Variants in FAM53A observed in about 807,000 individuals in gnomAD.
FAM53A encodes family with sequence similarity 53 member A, also known as protein FAM53A.
In FAM53A, 28 loss-of-function variants were observed where a neutral mutation model predicts 26.6. The observed-to-expected ratio is 1.05, with a 90% CI of 0.78 to 1.45. The LOEUF (loss-of-function observed/expected upper bound fraction) is 1.45, where lower values mean the gene tolerates loss of function less well. Ranked by LOEUF, FAM53A falls within the 40% of genes most tolerant of loss-of-function variation. The pLI is 0.00. For missense variants in FAM53A, 650 were observed against 575.8 expected (o/e 1.13, Z -1.32); for synonymous variants, 290 against 253.1 (o/e 1.15, Z -1.38).
chr4:1,610,520 A>G, the FAM53A span, among the ~76,000 whole-genome samples: 2 of 152,150 alleles, frequency 1.3e-5, no homozygotes, highest in African/African-American at 2.4e-5. Context: ...GAGCAGCAAG[A>G]GGTGCCCAAC....
the FAM53A span, among the ~76,000 whole-genome samples, chr4:1,590,980 A>G: frequency 5.4e-5 from 7 of 130,128 alleles, 1 homozygote; most frequent in Non-Finnish European, 8.2e-5. Context: ...ATATATATAT[A>G]TATATATATA....
chr4:1,586,519 T>G, the FAM53A span, among the ~76,000 whole-genome samples: 2 of 152,044 alleles, frequency 1.3e-5, no homozygotes, highest in Admixed American at 6.5e-5. Context: ...CTCACACCTG[T>G]AATCCCAGCA....
intron 1 of FAM53A, among the ~76,000 whole-genome samples, chr4:1,620,250 A>T (rs1714971293): frequency 6.6e-6 from 1 of 151,998 alleles, no homozygotes; most frequent in Non-Finnish European, 1.5e-5. Context: ...TAAATAAATA[A>T]ATAAAATGTC....
chr4:1,622,522 G>T (rs1054508772), intron 1 of FAM53A, among the ~76,000 whole-genome samples: 2 of 152,202 alleles, frequency 1.3e-5, no homozygotes, highest in Admixed American at 6.5e-5. Flanking sequence ...CACCAGCCCT[G>T]CCCTGTGACT....
Position 1,644,381 on chromosome 4 carries a change from C to T in FAM53A, c.883-2774G>A, listed in dbSNP as rs28529337. ...ACAGCAGGCTCTGAACGCCTCTGGA[C>T]GACACAGTCGGTGCAGGAGAAAAAA... On this transcript the variant is annotated intron_variant, in intron 4 of 4. Coordinates refer to ENST00000308132, the MANE Select transcript of FAM53A (RefSeq NM_001174070.3). 2.8e-3 allele frequency: 4,266 copies of T among 1,531,334 alleles called. 101 individuals are homozygous for T. The African/African-American group carries it at 0.053, about 19-fold the overall frequency. The allele number at this position is 1,531,334 out of a possible 1,614,324, so 94.9% of individuals were successfully genotyped here. A position where few individuals can be genotyped will look rare whatever the true frequency, so the allele number is the denominator to read the frequency against.
At chr4:1,603,317 GC>G in the FAM53A span, among the ~76,000 whole-genome samples, 2 of 152,180 alleles carry the variant, frequency 1.3e-5, no homozygotes. Context: ...CCTTCAAGGG[GC>G]CCACAAGAGA....
chr4:1,608,083 GC>G, the FAM53A span, among the ~76,000 whole-genome samples: 1 of 152,168 alleles, frequency 6.6e-6, no homozygotes, highest in East Asian at 1.9e-4. Flanking sequence ...CTGCATTCCA[GC>G]CTTGGTGACA....
downstream of FAM53A, among the ~76,000 whole-genome samples, chr4:1,617,652 T>C (rs1714857122): frequency 6.6e-6 from 1 of 152,248 alleles, no homozygotes; most frequent in Non-Finnish European, 1.5e-5. Flanking sequence ...CTTCTTTCAC[T>C]GTTTCCATTT....
intron 1 of FAM53A, among the ~76,000 whole-genome samples, chr4:1,629,795 G>A (rs114314829): frequency 0.012 from 1,888 of 152,294 alleles, 39 homozygotes; most frequent in African/African-American, 0.043. Context: ...AGTCCCGGAA[G>A]CAGCTCTGAG....
At chr4:1,679,441 T>C (rs1202712111) in intron 1 of FAM53A, among the ~76,000 whole-genome samples, 1 of 141,524 alleles carries the variant, frequency 7.1e-6, no homozygotes, top group Non-Finnish European at 1.5e-5. Context: ...GTAATCCCAC[T>C]TTGGGAGGCC....
downstream of FAM53A, among the ~76,000 whole-genome samples, chr4:1,614,414 GGGAT>G (rs1238968099): frequency 7.1e-6 from 1 of 140,358 alleles, no homozygotes; most frequent in South Asian, 2.3e-4. Context: ...AGACGTGAGG[GGGAT>G]GCAGAGACGT....
At position 1,641,602 on chromosome 4, in the gene FAM53A, T is replaced by TA; in HGVS notation, c.887dup (p.Leu296PhefsTer15). On this transcript the variant is annotated frameshift_variant, in exon 5 of 5. Transcript: ENST00000308132. LOFTEE classifies it low-confidence loss of function (END_TRUNC). ...GGGAGCAAAGGCTTTTTGAATTTTT[T>TA]AAAGTCTGCAATAGAAAAGATACGG... The TA allele has an allele frequency of 6.2e-7, 1 of 1,614,068 alleles. No homozygotes were observed. Among genetic ancestry groups the TA allele is most frequent in the African/African-American group, 1.3e-5 (1 of 75,046 alleles).
intron 2 of FAM53A, among the ~76,000 whole-genome samples, chr4:1,661,890 T>C (rs181900029): frequency 5.3e-5 from 8 of 152,224 alleles, no homozygotes; most frequent in Admixed American, 5.2e-4. Context: ...GGAGCACCTC[T>C]TGGTGGCGCA....
At position 1,661,311 on chromosome 4, in the gene FAM53A, C is replaced by G. The variant is rs187845121; in HGVS notation, c.76-3843G>C. On this transcript the variant is annotated intron_variant, in intron 2 of 4. Coordinates refer to ENST00000308132, the MANE Select transcript of FAM53A (RefSeq NM_001174070.3). ...TCATCACCCACCTTCCAGCTCCACC[C>G]GGAGGTCACAGCCCGGCGCCCTATG... 1.5e-3 allele frequency among the ~76,000 whole-genome samples: 231 copies of G among 152,262 alleles called. 1 individual carries two copies. The highest frequency in any genetic ancestry group is 5.3e-3 in the African/African-American group (222 of 41,544).
intron 4 of FAM53A, among the ~76,000 whole-genome samples, chr4:1,647,337 G>GAA (rs757995804): frequency 4.7e-5 from 6 of 127,356 alleles, no homozygotes; most frequent in Non-Finnish European, 5.1e-5. Flanking sequence ...TCCATCTCGG[G>GAA]AAAAAAAAAA....
intron 4 of FAM53A, among the ~76,000 whole-genome samples, chr4:1,654,726 C>T (rs116133373): frequency 0.024 from 3,704 of 152,350 alleles, 122 homozygotes; most frequent in African/African-American, 0.062. Context: ...CAAGCCTGGC[C>T]GGCCACCCTG....
the FAM53A span, among the ~76,000 whole-genome samples, chr4:1,607,585 C>T: frequency 2.6e-5 from 4 of 152,068 alleles, no homozygotes; most frequent in Admixed American, 6.6e-5. Context: ...GCCGCCCCCC[C>T]ACCACTGATG....
rs1339674368 is a variant in FAM53A at position 1,674,630 on chromosome 4, C to T, written c.-164-5725G>A. On this transcript the variant is annotated intron_variant, in intron 1 of 4. Coordinates refer to ENST00000308132, the MANE Select transcript of FAM53A (RefSeq NM_001174070.3). ...GTTGCAGTGAGCCGAGATCATGCCA[C>T]TGCACTCCAGCTTGGGCAACAGAGT... Among the ~76,000 whole-genome samples the T allele has an allele frequency of 2.7e-5, 4 of 150,800 alleles. 1 individual carries two copies. Among genetic ancestry groups the T allele is most frequent in the Non-Finnish European group, 5.9e-5 (4 of 67,928 alleles).
chr4:1,598,151 C>A, the FAM53A span, among the ~76,000 whole-genome samples: 1 of 152,242 alleles, frequency 6.6e-6, no homozygotes, highest in Admixed American at 6.5e-5. Flanking sequence ...CCCCTAGGGG[C>A]CCAGCCCCTT....
Sources: gnomAD v4.1 joint callset for allele counts (sites outside exome capture counted in the v4.1 genomes callset) on GRCh38, gnomAD v4.1.1 for gene constraint, MANE v1.5 for transcripts, NCBI Gene and HGNC (gene_info 2026-07-23, HGNC 2026-07-21) for gene names.